The following PCDHA3 variants were observed in gnomAD, a reference collection of about 807,000 sequenced individuals.
The protein encoded by PCDHA3 is protocadherin alpha 3.
PCDHA3 carries 41 observed loss-of-function variants against 62.2 expected under a neutral mutation model. The ratio of observed to expected loss-of-function variants is 0.66; its 90% confidence interval spans 0.51 to 0.86. PCDHA3 has a LOEUF of 0.86. Ranked by LOEUF, PCDHA3 falls within the 40% of genes least tolerant of loss-of-function variation. The pLI is 0.00. For missense variants in PCDHA3, 1,304 were observed against 1,241.2 expected, an observed-to-expected ratio of 1.05 and a Z score of -0.76; for synonymous variants, 640 against 555.4, an observed-to-expected ratio of 1.15 and a Z score of -2.14.
At chr5:141,004,637 A>G (rs149340406) in intron 3 of PCDHA3, among the ~76,000 whole-genome samples, 1,579 of 152,220 alleles carry the variant, frequency 0.01, 12 homozygotes, top group Middle Eastern at 0.058. Flanking sequence ...TTGAAGAAAA[A>G]TTTCCATTTT....
chr5:140,849,843 G>C (rs2150453087), intron 1 of PCDHA3: 3 of 1,598,500 alleles, frequency 1.9e-6, no homozygotes, highest in Non-Finnish European at 1.7e-6. Flanking sequence ...CGACGTGAAC[G>C]ACAACGCACC....
At chr5:140,824,066 C>A (rs1554129713) in intron 1 of PCDHA3, 1 of 1,614,046 alleles carries the variant, frequency 6.2e-7, no homozygotes, top group African/African-American at 1.3e-5. Context: ...GAAGCTCCAC[C>A]CAAAACAGAC....
At chr5:140,990,541 A>T (rs868916666) in intron 3 of PCDHA3, among the ~76,000 whole-genome samples, 1 of 152,210 alleles carries the variant, frequency 6.6e-6, no homozygotes, top group Admixed American at 6.5e-5. Context: ...CATCATAGAT[A>T]CTGTATTACC....
At chr5:140,884,104 G>A in intron 1 of PCDHA3, 3 of 1,613,464 alleles carry the variant, frequency 1.9e-6, no homozygotes, top group African/African-American at 1.3e-5. Flanking sequence ...ATGAATTGCA[G>A]CTGGCGGCGG....
Position 140,876,759 on chromosome 5 carries a change from T to C in PCDHA3, c.2394+73168T>C, listed in dbSNP as rs782783090. The C allele has an allele frequency of 1.2e-5, 19 of 1,614,028 alleles. No homozygotes were observed. In the Admixed American group the frequency reaches 2.8e-4, roughly 24 times the overall value. Reference sequence around the variant, plus strand: ...ATGAGCTGGTGGTGACTGCGCGGGATGGGGGCTCGCCTTCGCTGTGGGCCA... The same window carrying C: ...ATGAGCTGGTGGTGACTGCGCGGGACGGGGGCTCGCCTTCGCTGTGGGCCA... On this transcript the variant is annotated intron_variant, in intron 1 of 3. Transcript: ENST00000522353.
chr5:140,846,112 TTAC>T (rs1780203711), intron 1 of PCDHA3, among the ~76,000 whole-genome samples: 1 of 149,772 alleles, frequency 6.7e-6, no homozygotes. Context: ...GTAGACTATC[TTAC>T]TTTGATAGTT....
chr5:140,884,158 G>A (rs376345503), intron 1 of PCDHA3: 8 of 1,613,488 alleles, frequency 5.0e-6, no homozygotes, highest in African/African-American at 1.3e-5. Context: ...ACACTGGCGA[G>A]ATCAGCACGA....
At chr5:140,844,817 G>C (rs1468939378) in intron 1 of PCDHA3, among the ~76,000 whole-genome samples, 1 of 148,814 alleles carries the variant, frequency 6.7e-6, no homozygotes. Flanking sequence ...ATTTCTTCTT[G>C]TCTTTTTACA....
At chr5:140,952,746 T>C (rs1554220596) in intron 1 of PCDHA3, among the ~76,000 whole-genome samples, 1 of 152,190 alleles carries the variant, frequency 6.6e-6, no homozygotes, top group Non-Finnish European at 1.5e-5. Context: ...CACACTGCTA[T>C]AAAAACACCT....
Position 140,876,083 on chromosome 5 carries a change from A to C in PCDHA3, c.2394+72492A>C. 1 of 1,613,974 alleles carries C rather than the reference A, an allele frequency of 6.2e-7. No individual in the cohort carries two copies. The highest frequency in any genetic ancestry group is 8.5e-7 in the Non-Finnish European group (1 of 1,179,900). ...CTTCGGAAGTTATTGGACAGAGAGC[A>C]AACGCCAAAACTCAATTTATTGCTG... On this transcript the variant is annotated intron_variant, in intron 1 of 3. Coordinates refer to ENST00000522353, the MANE Select transcript of PCDHA3 (RefSeq NM_018906.3).
At chr5:140,867,400 T>C (rs544481917) in intron 1 of PCDHA3, 18 of 152,290 alleles carry the variant, frequency 1.2e-4, no homozygotes, top group African/African-American at 3.8e-4. Context: ...AAAGTTGATA[T>C]GTCTCCTTTA....
chr5:140,881,269 GAAGT>G (rs1235494766), intron 1 of PCDHA3: 1 of 648,656 alleles, frequency 1.5e-6, no homozygotes, highest in African/African-American at 2.0e-5. Context: ...CAGTGATGAT[GAAGT>G]AAGATGGAGA....
chr5:140,926,778 A>G, intron 1 of PCDHA3: 1 of 1,393,042 alleles, frequency 7.2e-7, no homozygotes, highest in East Asian at 2.6e-5. Context: ...CGCAGCAGTG[A>G]CGGCCGGCAG....
At chr5:140,836,566 C>A (rs1774576501) in intron 1 of PCDHA3, 1 of 1,613,742 alleles carries the variant, frequency 6.2e-7, no homozygotes. Context: ...GCGCCGTCCT[C>A]TGAGGGCGCA....
chr5:140,853,773 G>T lies in PCDHA3; in HGVS notation c.2394+50182G>T, dbSNP rs1314625859. The T allele has an allele frequency of 6.1e-6, 6 of 987,764 alleles. No homozygotes were observed. The African/African-American group carries it at 1.1e-4, about 17-fold the overall frequency. 61.2% of individuals were successfully genotyped at this position (987,764 alleles called of 1,614,324 possible). On this transcript the variant is annotated intron_variant, in intron 1 of 3. Transcript: ENST00000522353. ...GGCTCCACCTCAGAAATTCTGAAAT[G>T]GGTAGTAAGAGCAAATTTTCATTTT...
intron 1 of PCDHA3, chr5:140,857,586 G>A: frequency 6.3e-7 from 1 of 1,596,656 alleles, no homozygotes; most frequent in Non-Finnish European, 8.6e-7. Flanking sequence ...CACGCGGAGA[G>A]CGGCAAGGTG....
rs1554122582 is a variant in PCDHA3 at position 140,803,120 on chromosome 5, C to T, written c.1923C>T (p.Asp641=). The T allele has an allele frequency of 1.2e-6, 2 of 1,613,774 alleles. No homozygotes were observed. The highest frequency in any genetic ancestry group is 1.7e-5 in the Admixed American group (1 of 60,030). ...CGACCCGTGCCCTGGACGAGGTGGA[C>T]GCCCCGCGCCATCGCCTACTGGTGC... is the stretch of plus-strand genomic sequence containing the variant. ...ISTTRALDEV[D]APRHRLLVLV... is the part of the protein sequence containing the mutation. Residue 641 remains aspartate, a synonymous_variant, in exon 1 of 4, where the codon GAC becomes GAT. Coordinates refer to ENST00000522353, the MANE Select transcript of PCDHA3 (RefSeq NM_018906.3).
intron 1 of PCDHA3, chr5:140,859,616 C>G (rs978716581): frequency 6.2e-6 from 1 of 162,228 alleles, no homozygotes; most frequent in Non-Finnish European, 1.3e-5. Flanking sequence ...TCTTTCCTTT[C>G]TCTTTGAGTA....
intron 1 of PCDHA3, chr5:140,834,370 G>A: frequency 6.4e-7 from 1 of 1,557,934 alleles, no homozygotes; most frequent in East Asian, 2.3e-5. Context: ...AGAAAAACAA[G>A]CCAATAATTT....
Sources: allele counts gnomAD v4.1 joint callset (sites outside exome capture counted in the v4.1 genomes callset), GRCh38; gene constraint gnomAD v4.1.1; transcripts MANE v1.5; gene names NCBI Gene and HGNC (gene_info 2026-07-23, HGNC 2026-07-21).